Variants in LMO7 observed in about 807,000 individuals in gnomAD.
The protein encoded by LMO7 is LIM domain only protein 7.
LMO7 carries 120 observed loss-of-function variants against 206.5 expected under a neutral mutation model. The observed-to-expected ratio is 0.58, with a 90% CI of 0.50 to 0.68. LMO7 has a LOEUF of 0.68. Ranked by LOEUF, LMO7 falls within the 30% of genes least tolerant of loss-of-function variation. LMO7 has a pLI of 0.00. For missense variants in LMO7, 1,959 were observed against 1,957.9 expected (o/e 1.00, Z -0.01); for synonymous variants, 706 against 681.5 (o/e 1.04, Z -0.56).
intron 25 of LMO7, among the ~76,000 whole-genome samples, chr13:75,843,519 A>G (rs531934414): frequency 6.6e-6 from 1 of 152,348 alleles, no homozygotes; most frequent in East Asian, 1.9e-4. Flanking sequence ...TAAAAAGGTT[A>G]TGAATAATGG....
intron 15 of LMO7, among the ~76,000 whole-genome samples, chr13:75,832,120 C>T (rs1296574731): frequency 6.6e-6 from 1 of 152,118 alleles, no homozygotes; most frequent in African/African-American, 2.4e-5. Context: ...AGCTGAAACA[C>T]TGGTCTCATA....
chr13:75,642,469 G>A (rs34939695), intron 1 of LMO7, among the ~76,000 whole-genome samples: 26,643 of 145,012 alleles, frequency 0.18, 3,225 homozygotes, highest in Admixed American at 0.34. Context: ...AAAAAAAGGT[G>A]GCACACACCT....
At chr13:75,766,567 G>GGGAGATGGTCCTGTAAATTCACA (rs2048920418) in intron 4 of LMO7, among the ~76,000 whole-genome samples, 1 of 150,966 alleles carries the variant, frequency 6.6e-6, no homozygotes, top group African/African-American at 2.4e-5. Context: ...ATTATGACTG[G>GGGAGATGGTCCTGTAAATTCACA]GGAGATGGCC....
intron 1 of LMO7, among the ~76,000 whole-genome samples, chr13:75,675,353 CA>C: frequency 6.6e-6 from 1 of 152,312 alleles, no homozygotes; most frequent in East Asian, 1.9e-4. Context: ...GGATTACAGG[CA>C]TGAGCCACCG....
intron 3 of LMO7, among the ~76,000 whole-genome samples, chr13:75,747,178 G>A (rs1330496941): frequency 6.6e-6 from 1 of 152,186 alleles, no homozygotes; most frequent in African/African-American, 2.4e-5. Flanking sequence ...TACGTGAGTT[G>A]AGGGTGGTTT....
intron 5 of LMO7, 87 bp from the exon 6 acceptor site, chr13:75,796,549 T>C (rs1031613433): frequency 2.0e-5 from 14 of 708,266 alleles, no homozygotes; most frequent in Admixed American, 9.5e-5. Flanking sequence ...TGTGCTATCA[T>C]TTATCTACAG....
chr13:75,785,076 C>T (rs1274235989), intron 4 of LMO7, among the ~76,000 whole-genome samples: 4 of 151,954 alleles, frequency 2.6e-5, no homozygotes, highest in African/African-American at 7.3e-5. Context: ...GAAAAAATGG[C>T]AGTGGGGAAC....
intron 3 of LMO7, among the ~76,000 whole-genome samples, chr13:75,739,574 T>C (rs1046136846): frequency 6.6e-6 from 1 of 152,186 alleles, no homozygotes; most frequent in African/African-American, 2.4e-5. Flanking sequence ...TCTGGAAAGT[T>C]TTTATTGGCT....
At chr13:75,628,432 T>A (rs964875548) in intron 2 of LMO7, 11 of 152,256 alleles carry the variant, frequency 7.2e-5, no homozygotes, top group African/African-American at 2.4e-4. Context: ...AACCTTCTTG[T>A]CTGAATACCA....
intron 2 of LMO7, among the ~76,000 whole-genome samples, chr13:75,714,536 G>A (rs2043368587): frequency 6.6e-6 from 1 of 152,164 alleles, no homozygotes; most frequent in Non-Finnish European, 1.5e-5. Flanking sequence ...CTAAAGAAGT[G>A]TCAATTTCGT....
At position 75,729,102 on chromosome 13, in the gene LMO7, T is replaced by C. The variant is rs1441399304; in HGVS notation, c.210+2004T>C. ...TTCTTTTGGCTTAGGATTGACTTGG[T>C]GATGCGGGCTCTTTTTTGGTTCCAT... On this transcript the variant is annotated intron_variant, in intron 3 of 30. Coordinates refer to ENST00000377534, the MANE Select transcript of LMO7 (RefSeq NM_001306080.2). Among the ~76,000 whole-genome samples the C allele has an allele frequency of 8.0e-3, 1,207 of 150,948 alleles. 10 individuals carry two copies. Among genetic ancestry groups the C allele is most frequent in the Non-Finnish European group, 0.012 (839 of 67,290 alleles).
At chr13:75,849,987 G>A (rs1411667021) in intron 27 of LMO7, among the ~76,000 whole-genome samples, 2 of 152,074 alleles carry the variant, frequency 1.3e-5, no homozygotes, top group African/African-American at 4.8e-5. Context: ...AAAAATAGAT[G>A]TGTGCCTGTA....
intron 16 of LMO7, among the ~76,000 whole-genome samples, chr13:75,833,535 ATTTT>A (rs542637701): frequency 5.9e-5 from 9 of 151,784 alleles, no homozygotes; most frequent in African/African-American, 2.2e-4. Flanking sequence ...TAATAAGTTG[ATTTT>A]TTTTGAGTGT....
chr13:75,834,495 T>A (rs1016051483), intron 17 of LMO7, 108 bp downstream of exon 17: 5 of 870,114 alleles, frequency 5.7e-6, no homozygotes, highest in Non-Finnish European at 8.6e-6. Context: ...ACTTATGTTT[T>A]GGCATTAAAG....
chr13:75,778,077 A>G (rs1218452475), intron 4 of LMO7, among the ~76,000 whole-genome samples: 1 of 152,212 alleles, frequency 6.6e-6, no homozygotes, highest in Non-Finnish European at 1.5e-5. Flanking sequence ...AGGACATTTT[A>G]AAACCAATGC....
chr13:75,802,058 A>G (rs1363407285), intron 7 of LMO7, among the ~76,000 whole-genome samples: 1 of 152,080 alleles, frequency 6.6e-6, no homozygotes, highest in Admixed American at 6.5e-5. Context: ...CTTGTCCTAA[A>G]TACTTCAGTA....
intron 1 of LMO7, among the ~76,000 whole-genome samples, chr13:75,686,945 A>G (rs531843917): frequency 6.6e-6 from 1 of 152,216 alleles, no homozygotes; most frequent in Non-Finnish European, 1.5e-5. Flanking sequence ...GTCTCTTCTA[A>G]GGGCACAAAT....
Position 75,709,074 on chromosome 13 carries a change from T to A in LMO7, c.70-4108T>A, listed in dbSNP as rs556597282. 1.7e-3 allele frequency among the ~76,000 whole-genome samples: 266 copies of A among 152,306 alleles called. 6 individuals are homozygous for A. Among genetic ancestry groups the A allele is most frequent in the Admixed American group, 0.017 (266 of 15,292 alleles). ...TTGGTTTTTTGTCCTTGCGATAGTTTGCTGAGAATGATGGTTTCCAGCTTC... is the reference window on the plus strand; with the variant it reads ...TTGGTTTTTTGTCCTTGCGATAGTTAGCTGAGAATGATGGTTTCCAGCTTC... On this transcript the variant is annotated intron_variant, in intron 1 of 30. Coordinates refer to ENST00000377534, the MANE Select transcript of LMO7 (RefSeq NM_001306080.2).
intron 1 of LMO7, among the ~76,000 whole-genome samples, chr13:75,708,550 T>C (rs1045573528): frequency 3.9e-5 from 6 of 152,222 alleles, no homozygotes; most frequent in Non-Finnish European, 8.8e-5. Context: ...TGGATGTTTC[T>C]GGGCCTATTT....
Sources: allele counts gnomAD v4.1 joint callset (sites outside exome capture counted in the v4.1 genomes callset), GRCh38; gene constraint gnomAD v4.1.1; transcripts MANE v1.5; gene names NCBI Gene and HGNC (gene_info 2026-07-23, HGNC 2026-07-21).